QTGAL: variants seen among roughly 807,000 people sequenced by gnomAD.
QTGAL encodes the protein BGnT-like protein 1.
chr17:82,961,275 G>A, the QTGAL span: 7 of 1,484,944 alleles, frequency 4.7e-6, no homozygotes, highest in Non-Finnish European at 6.3e-6. Flanking sequence ...CGGCCAACCA[G>A]GAACCGGTGG....
the QTGAL span, among the ~76,000 whole-genome samples, chr17:83,043,718 T>A: frequency 0.12 from 18,814 of 150,938 alleles, 1,313 homozygotes; most frequent in African/African-American, 0.19. Flanking sequence ...ACAAAAAGAG[T>A]TGATTCTTTG....
chr17:83,004,869 G>A, the QTGAL span, among the ~76,000 whole-genome samples: 2 of 151,680 alleles, frequency 1.3e-5, no homozygotes, highest in African/African-American at 4.8e-5. Context: ...GGACCTGTGC[G>A]GTCGGGTTTC....
the QTGAL span, among the ~76,000 whole-genome samples, chr17:83,032,552 G>C: frequency 6.6e-6 from 1 of 151,814 alleles, no homozygotes; most frequent in Admixed American, 6.5e-5. Flanking sequence ...ACTGAGCTCA[G>C]GGGCCCAGCA....
chr17:83,005,064 G>T, the QTGAL span: 1 of 1,465,262 alleles, frequency 6.8e-7, no homozygotes, highest in East Asian at 2.3e-5. This position sits in a 1 kb window ranked among gnomAD's most constrained non-coding sequence, Gnocchi z 5.6. Flanking sequence ...ATGAGATGGC[G>T]CCCAGAGGCG....
the QTGAL span, among the ~76,000 whole-genome samples, chr17:82,986,852 G>A: frequency 2.6e-5 from 4 of 152,214 alleles, no homozygotes; most frequent in African/African-American, 4.8e-5. Context: ...CCACAACCTC[G>A]CTATTAGAGG....
the QTGAL span, chr17:82,948,079 A>T: frequency 6.6e-6 from 1 of 152,276 alleles, no homozygotes; most frequent in Admixed American, 6.5e-5. Context: ...GAGCAGCCAG[A>T]GGTGTAGGGG....
At chr17:82,970,574 G>A in the QTGAL span, among the ~76,000 whole-genome samples, 18,634 of 69,346 alleles carry the variant, frequency 0.27, 2,574 homozygotes, top group African/African-American at 0.39. Context: ...CTCCGCACCC[G>A]GCGTGGCCGC....
the QTGAL span, among the ~76,000 whole-genome samples, chr17:83,030,370 G>A: frequency 3.3e-5 from 5 of 152,188 alleles, no homozygotes; most frequent in South Asian, 1.0e-3. Flanking sequence ...CCACAGGTGG[G>A]AAAGTAAAGA....
the QTGAL span, chr17:82,961,339 C>G: frequency 1.3e-6 from 1 of 799,478 alleles, no homozygotes; most frequent in Non-Finnish European, 1.7e-6. Flanking sequence ...GGACGTGGGG[C>G]GGCGACCACA....
the QTGAL span, among the ~76,000 whole-genome samples, chr17:82,971,549 G>A: frequency 6.6e-5 from 10 of 150,682 alleles, no homozygotes; most frequent in Admixed American, 3.3e-4. Context: ...GGAAGGAGGC[G>A]TGGGGGCTAC....
the QTGAL span, among the ~76,000 whole-genome samples, chr17:82,958,809 G>A: frequency 3.1e-5 from 4 of 128,968 alleles, no homozygotes; most frequent in Admixed American, 7.4e-5. Context: ...GTGTGTGTGT[G>A]TATACTGTGT....
the QTGAL span, among the ~76,000 whole-genome samples, chr17:83,007,647 G>A: frequency 6.6e-6 from 1 of 152,094 alleles, no homozygotes; most frequent in Non-Finnish European, 1.5e-5. Context: ...GGCGCCTCTC[G>A]GACGGGGGCT....
At chr17:82,993,572 G>A in the QTGAL span, among the ~76,000 whole-genome samples, 4 of 152,184 alleles carry the variant, frequency 2.6e-5, no homozygotes, top group African/African-American at 9.6e-5. Context: ...GCACTGAACA[G>A]ATTTTCCAGA....
the QTGAL span, among the ~76,000 whole-genome samples, chr17:82,953,012 C>T: frequency 2.5e-4 from 38 of 152,104 alleles, no homozygotes; most frequent in Admixed American, 3.9e-4. Flanking sequence ...AGAGAGACAA[C>T]GTACCAGAAT....
chr17:83,034,948 C>T, the QTGAL span: 1 of 1,145,424 alleles, frequency 8.7e-7, no homozygotes, highest in Non-Finnish European at 1.3e-6. Flanking sequence ...AAATGATTTT[C>T]AAGAACCGCA....
chr17:83,047,673 C>A, the QTGAL span, among the ~76,000 whole-genome samples: 2,561 of 91,440 alleles, frequency 0.028, 52 homozygotes, highest in East Asian at 0.054. Flanking sequence ...GGTCTATAAT[C>A]AATCCTTATC....
At chr17:82,992,675 A>C in the QTGAL span, among the ~76,000 whole-genome samples, 1 of 151,852 alleles carries the variant, frequency 6.6e-6, no homozygotes, top group Admixed American at 6.6e-5. Flanking sequence ...AAAGTATTAT[A>C]ATGCTGTAAC....
chr17:83,005,292 CAT>C, the QTGAL span: 3 of 1,179,882 alleles, frequency 2.5e-6, no homozygotes, highest in Admixed American at 6.3e-5. The surrounding 1 kb of genome is among the most constrained non-coding windows in gnomAD (Gnocchi z 5.6). Context: ...ATTCATCTCA[CAT>C]GTTTTAGGCA....
At chr17:82,958,114 C>T in the QTGAL span, among the ~76,000 whole-genome samples, 171 of 152,244 alleles carry the variant, frequency 1.1e-3, no homozygotes, top group African/African-American at 3.9e-3. Context: ...CGTGCCCCAT[C>T]GCTGTCTGCC....
Sources: allele counts gnomAD v4.1 joint callset (sites outside exome capture counted in the v4.1 genomes callset), GRCh38; gene constraint gnomAD v4.1.1; non-coding constraint Gnocchi (gnomAD v3.1); transcripts MANE v1.5; gene names NCBI Gene and HGNC (gene_info 2026-07-23, HGNC 2026-07-21).